Variants in NOX4 observed in about 807,000 individuals in gnomAD.
The protein encoded by NOX4 is NADPH oxidase 4.
A neutral mutation model predicts 87.6 loss-of-function variants in NOX4; 69 were observed. The ratio of observed to expected loss-of-function variants is 0.79; its 90% CI spans 0.65 to 0.96. NOX4 has a LOEUF of 0.96. NOX4 is among the 40% of genes least tolerant of loss of function. The pLI, the probability that NOX4 is intolerant of heterozygous loss-of-function variation, is 0.00. For synonymous variants in NOX4, 275 were observed against 238.2 expected (o/e 1.15, Z -1.42); for missense variants, 680 against 681.5 (o/e 1.00, Z 0.02).
chr11:89,476,817 G>A (rs2164521), intron 2 of NOX4, among the ~76,000 whole-genome samples: 32,579 of 151,904 alleles, frequency 0.21, 4,758 homozygotes, highest in African/African-American at 0.41. Flanking sequence ...AGAAGCACAC[G>A]GCCACATAAA....
chr11:89,537,379 A>C, the NOX4 span, among the ~76,000 whole-genome samples: 2 of 151,650 alleles, frequency 1.3e-5, no homozygotes, highest in Non-Finnish European at 2.9e-5. Context: ...CTCAATAGTT[A>C]TACATATCTA....
At chr11:89,562,025 T>C in the NOX4 span, among the ~76,000 whole-genome samples, 241 of 152,292 alleles carry the variant, frequency 1.6e-3, no homozygotes, top group African/African-American at 5.7e-3. Flanking sequence ...AATGCCTGTT[T>C]TGTTAGATAA....
chr11:89,461,730 G>C (rs895657559), intron 2 of NOX4, among the ~76,000 whole-genome samples: 1 of 151,686 alleles, frequency 6.6e-6, no homozygotes, highest in Non-Finnish European at 1.5e-5. Flanking sequence ...GGAATGAGGG[G>C]AACAAAATCT....
chr11:89,505,799 T>C, the NOX4 span, among the ~76,000 whole-genome samples: 1 of 151,900 alleles, frequency 6.6e-6, no homozygotes. Flanking sequence ...TTAATTGGAC[T>C]TTTGCTTCCA....
chr11:89,471,563 C>T (rs1945942264), intron 2 of NOX4, among the ~76,000 whole-genome samples: 1 of 151,988 alleles, frequency 6.6e-6, no homozygotes, highest in Non-Finnish European at 1.5e-5. Flanking sequence ...AAACTGTAGT[C>T]CTAATTAATA....
chr11:89,351,411 G>A (rs1337028878), intron 13 of NOX4, among the ~76,000 whole-genome samples: 1 of 152,190 alleles, frequency 6.6e-6, no homozygotes, highest in East Asian at 1.9e-4. Flanking sequence ...TTATCCAGAA[G>A]ATCTAGCTGA....
the NOX4 span, among the ~76,000 whole-genome samples, chr11:89,572,132 C>T: frequency 6.6e-6 from 1 of 152,214 alleles, no homozygotes. Flanking sequence ...TAAAAGCACA[C>T]TTGAACCCTG....
chr11:89,530,167 A>G, the NOX4 span, among the ~76,000 whole-genome samples: 1 of 151,558 alleles, frequency 6.6e-6, no homozygotes, highest in Non-Finnish European at 1.5e-5. Context: ...ATCCAAATCC[A>G]GATTTTCTTG....
rs556684732 is a variant in NOX4 at position 89,388,954 on chromosome 11, A to T, written c.1074+11063T>A. On this transcript the variant is annotated intron_variant, in intron 11 of 17. Coordinates refer to ENST00000263317, the MANE Select transcript of NOX4 (RefSeq NM_016931.5). Reference sequence around the variant, plus strand: ...ACTCCATGGAGAAGTTGCTATCATTAACTGCACTTTTATAAAGAAGTAAAC... The same window carrying T: ...ACTCCATGGAGAAGTTGCTATCATTTACTGCACTTTTATAAAGAAGTAAAC... 2.6e-5 allele frequency among the ~76,000 whole-genome samples: 4 copies of T among 152,308 alleles called. No homozygotes were observed. In the South Asian group the frequency reaches 8.3e-4, roughly 32 times the overall value.
chr11:89,460,551 G>A (rs529965335), intron 2 of NOX4, among the ~76,000 whole-genome samples: 14 of 152,286 alleles, frequency 9.2e-5, no homozygotes, highest in African/African-American at 3.1e-4. Flanking sequence ...AAAGACACAT[G>A]AAAAAATGTT....
At chr11:89,537,685 G>A in the NOX4 span, among the ~76,000 whole-genome samples, 1 of 151,286 alleles carries the variant, frequency 6.6e-6, no homozygotes, top group East Asian at 1.9e-4. Flanking sequence ...CTGTACTATC[G>A]AATTGAAAAA....
the NOX4 span, among the ~76,000 whole-genome samples, chr11:89,554,110 T>A: frequency 6.6e-6 from 1 of 151,874 alleles, no homozygotes; most frequent in Non-Finnish European, 1.5e-5. Flanking sequence ...TCAGAAATAG[T>A]ATCAAGTATG....
intron 8 of NOX4, among the ~76,000 whole-genome samples, chr11:89,409,746 C>T (rs985261062): frequency 6.6e-6 from 1 of 151,906 alleles, no homozygotes; most frequent in East Asian, 1.9e-4. Flanking sequence ...GTTAAAAAAA[C>T]TTTATATCTT....
the NOX4 span, among the ~76,000 whole-genome samples, chr11:89,525,752 A>T: frequency 1.3e-5 from 2 of 152,012 alleles, no homozygotes; most frequent in South Asian, 4.1e-4. Context: ...GTTATGGAGG[A>T]TTATAATCTT....
At position 89,351,035 on chromosome 11, in the gene NOX4, T is replaced by C. The variant is rs528749699; in HGVS notation, c.1217+3927A>G. Reference sequence around the variant, plus strand: ...TGAGATAGGCATAAAGTTAGGCTTCTTGCGCCAAACAGTGAGCCAAATTGC... The same window carrying C: ...TGAGATAGGCATAAAGTTAGGCTTCCTGCGCCAAACAGTGAGCCAAATTGC... On this transcript the variant is annotated intron_variant, in intron 13 of 17. Transcript: ENST00000263317. Among the ~76,000 whole-genome samples the C allele has an allele frequency of 2.6e-5, 4 of 152,346 alleles. No homozygotes were observed. The South Asian group carries it at 6.2e-4, about 24-fold the overall frequency.
At chr11:89,430,666 C>T (rs919643313) in intron 7 of NOX4, among the ~76,000 whole-genome samples, 1 of 152,100 alleles carries the variant, frequency 6.6e-6, no homozygotes, top group Non-Finnish European at 1.5e-5. Flanking sequence ...AGGACTTCTT[C>T]AAGGAGAACT....
chr11:89,490,360 G>A, intron 2 of NOX4, 98 bp downstream of exon 2: 1 of 808,164 alleles, frequency 1.2e-6, no homozygotes, highest in Non-Finnish European at 2.1e-6. Context: ...AAAGTGAAGA[G>A]TGCACATTTC....
intron 12 of NOX4, 104 bp downstream of exon 12, chr11:89,373,328 C>T: frequency 2.7e-6 from 1 of 364,826 alleles, no homozygotes; most frequent in Non-Finnish European, 5.1e-6. Context: ...GCTTGAAACA[C>T]ATACACATCT....
the NOX4 span, among the ~76,000 whole-genome samples, chr11:89,572,080 G>A: frequency 1.3e-5 from 2 of 152,160 alleles, no homozygotes; most frequent in Admixed American, 1.3e-4. Flanking sequence ...CTAAGGCAAT[G>A]TTACACATAT....
Sources: allele counts gnomAD v4.1 joint callset (sites outside exome capture counted in the v4.1 genomes callset), GRCh38; gene constraint gnomAD v4.1.1; transcripts MANE v1.5; gene names NCBI Gene and HGNC (gene_info 2026-07-23, HGNC 2026-07-21).